CARD14: variants seen among roughly 807,000 people sequenced by gnomAD.
CARD14 encodes the protein caspase recruitment domain family member 14.
CARD14 carries 107 observed loss-of-function variants against 111.5 expected under a neutral mutation model. The observed-to-expected ratio is 0.96, with a 90% CI of 0.82 to 1.13. The LOEUF (loss-of-function observed/expected upper bound fraction) is 1.13, where lower values mean the gene tolerates loss of function less well. CARD14 is among the 50% of genes most tolerant of loss of function. CARD14 has a pLI of 0.00. For synonymous variants in CARD14, 617 were observed against 579.6 expected, an observed-to-expected ratio of 1.06 and a Z score of -0.93; for missense variants, 1,322 against 1,362.3, an observed-to-expected ratio of 0.97 and a Z score of 0.47.
Position 80,208,527 on chromosome 17 carries a change from C to G in CARD14, c.*182C>G. 1.9e-6 allele frequency: 1 copy of G among 537,184 alleles called. No homozygotes were observed. The highest frequency in any genetic ancestry group is 3.3e-6 in the Non-Finnish European group (1 of 306,820). The allele number at this position is 537,184 out of a possible 1,614,324, so 33.3% of individuals were successfully genotyped here. Reference sequence around the variant, plus strand: ...GTGCAGGTCACACACAGTGAAGCCACTTGTAACTGCACACTTTTCTGTGGA... The same window carrying G: ...GTGCAGGTCACACACAGTGAAGCCAGTTGTAACTGCACACTTTTCTGTGGA... On this transcript the variant is annotated 3_prime_UTR_variant, in exon 24 of 24. Coordinates refer to ENST00000648509, the MANE Select transcript of CARD14 (RefSeq NM_001366385.1).
At position 80,195,815 on chromosome 17, in the gene CARD14, A is replaced by C. The variant is rs890857798; in HGVS notation, c.1594+163A>C. On this transcript the variant is annotated intron_variant, in intron 14 of 23. Transcript: ENST00000648509. The surrounding 1 kb of genome is among the most constrained non-coding windows in gnomAD (Gnocchi z 4.7). ...CTTGGCCTCGACCTTGCACTTTGGG[A>C]AAGTCCCGCCTGCCAGCCAGCGTAA... 1.6e-6 allele frequency: 1 copy of C among 625,152 alleles called. No individual in the cohort carries two copies. The allele number at this position is 625,152 out of a possible 1,614,324, so 38.7% of individuals were successfully genotyped here.
In CARD14 at chr17:80,208,384, G is replaced by T; in HGVS notation, c.*39G>T. ...TTCCCGGGACTGTGGGGGCTTCTGTGTGCCTGTTAATGCAGTCCTGTTCCT... is the reference window on the plus strand; with the variant it reads ...TTCCCGGGACTGTGGGGGCTTCTGTTTGCCTGTTAATGCAGTCCTGTTCCT... On this transcript the variant is annotated 3_prime_UTR_variant, in exon 24 of 24. Coordinates refer to ENST00000648509, the MANE Select transcript of CARD14 (RefSeq NM_001366385.1). 1 of 1,516,760 alleles carries T rather than the reference G, an allele frequency of 6.6e-7. No homozygotes were observed. 94.0% of individuals were successfully genotyped at this position (1,516,760 alleles called of 1,614,324 possible).
rs1301900479 is a variant in CARD14, at chr17:80,198,655, G to T, written c.1851+64G>T. ...CATGGGGACAGTGGCAGCGGGTGGG[G>T]TGACCCAGGCAGACTTCACCTCCCC... is the stretch of plus-strand genomic sequence containing the variant. On this transcript the variant is annotated intron_variant, in intron 16 of 23. Transcript: ENST00000648509. The surrounding 1 kb of genome is among the most constrained non-coding windows in gnomAD (Gnocchi z 7.5). 1 of 1,608,518 alleles carries T rather than the reference G, an allele frequency of 6.2e-7. No homozygotes were observed. The highest frequency in any genetic ancestry group is 8.5e-7 in the Non-Finnish European group (1 of 1,179,508).
chr17:80,205,524 C>T lies in CARD14; in HGVS notation c.2570-7C>T, dbSNP rs1376139305. 4 of 1,583,554 alleles carry T rather than the reference C, an allele frequency of 2.5e-6. No homozygotes were observed. Among genetic ancestry groups the T allele is most frequent in the Non-Finnish European group, 3.4e-6 (4 of 1,164,072 alleles). ...TCTATGATGGCCCCGTCCAATGTCA[C>T]CTGTAGAGTACTTGAGCCAGGAGGA... On this transcript the variant is annotated splice_polypyrimidine_tract_variant and splice_region_variant and intron_variant, in intron 21 of 23. Transcript: ENST00000648509.
rs143190446 is a variant in CARD14 at position 80,198,746 on chromosome 17, C to G, written c.1851+155C>G. On this transcript the variant is annotated intron_variant, in intron 16 of 23. Coordinates refer to ENST00000648509, the MANE Select transcript of CARD14 (RefSeq NM_001366385.1). This position sits in a 1 kb window ranked among gnomAD's most constrained non-coding sequence, Gnocchi z 7.5. The stretch of plus-strand genomic sequence containing the variant: ...TCCTGGGCTGACGTAAAGCGTTCTG[C>G]TCATTTATAGATGAGAGTCGTGCCG... 31 of 1,537,804 alleles carry G rather than the reference C, an allele frequency of 2.0e-5. No individual in the cohort carries two copies. Among genetic ancestry groups the G allele is most frequent in the Non-Finnish European group, 2.5e-5 (29 of 1,145,094 alleles).
At position 80,198,739 on chromosome 17, in the gene CARD14, C is replaced by T. The variant is rs760178491; in HGVS notation, c.1851+148C>T. 8.2e-5 allele frequency: 127 copies of T among 1,544,978 alleles called. No homozygotes were observed. The highest frequency in any genetic ancestry group is 1.1e-4 in the Non-Finnish European group (122 of 1,148,368). ...TGCTCTTTCCTGGGCTGACGTAAAG[C>T]GTTCTGCTCATTTATAGATGAGAGT... On this transcript the variant is annotated intron_variant, in intron 16 of 23. Transcript: ENST00000648509. This position sits in a 1 kb window ranked among gnomAD's most constrained non-coding sequence, Gnocchi z 7.5.
At chr17:80,200,680 TAC>T (rs1378472533) in intron 16 of CARD14, 1 of 152,210 alleles carries the variant, frequency 6.6e-6, no homozygotes, top group African/African-American at 2.4e-5. Flanking sequence ...ACATTGATTG[TAC>T]ACTTTATTTC....
chr17:80,173,835 G>A (rs1257424264), intron 2 of CARD14, among the ~76,000 whole-genome samples: 1 of 152,128 alleles, frequency 6.6e-6, no homozygotes, highest in Non-Finnish European at 1.5e-5. Context: ...CTGACCTTAT[G>A]ATCTGCCCAC....
In CARD14 at chr17:80,203,812, G is replaced by A; in HGVS notation, c.2220-10G>A. 1 of 1,565,322 alleles carries A rather than the reference G, an allele frequency of 6.4e-7. No individual in the cohort carries two copies. The highest frequency in any genetic ancestry group is 8.7e-7 in the Non-Finnish European group (1 of 1,154,710). Reference sequence around the variant, plus strand: ...GGCAGCTGGGTCAGGGCCTCTGCTGGTCTCTGCAGGGCTCAGCAGCAGCTC... The same window carrying A: ...GGCAGCTGGGTCAGGGCCTCTGCTGATCTCTGCAGGGCTCAGCAGCAGCTC... On this transcript the variant is annotated splice_polypyrimidine_tract_variant and intron_variant, in intron 18 of 23. Coordinates refer to ENST00000648509, the MANE Select transcript of CARD14 (RefSeq NM_001366385.1). This position sits in a 1 kb window ranked among gnomAD's most constrained non-coding sequence, Gnocchi z 4.6.
At position 80,189,114 on chromosome 17, in the gene CARD14, G is replaced by A. The variant is rs1170974965; in HGVS notation, c.843+570G>A. Among the ~76,000 whole-genome samples, 5 of 152,208 alleles carry A rather than the reference G, an allele frequency of 3.3e-5. No individual in the cohort carries two copies. Among genetic ancestry groups the A allele is most frequent in the Non-Finnish European group, 7.3e-5 (5 of 68,048 alleles). On this transcript the variant is annotated intron_variant, in intron 8 of 23. Coordinates refer to ENST00000648509, the MANE Select transcript of CARD14 (RefSeq NM_001366385.1). This position sits in a 1 kb window ranked among gnomAD's most constrained non-coding sequence, Gnocchi z 4.7. ...TGCCCGACTTGGTGGGTTTACTGCA[G>A]CGACTGTGTTCTGGAGTGGACTTGG... is the stretch of plus-strand genomic sequence containing the variant.
In CARD14 at chr17:80,188,555, G is replaced by A. The variant is rs377340180; in HGVS notation, c.843+11G>A. 8 of 1,489,426 alleles carry A rather than the reference G, an allele frequency of 5.4e-6. No homozygotes were observed. Among genetic ancestry groups the A allele is most frequent in the Non-Finnish European group, 7.2e-6 (8 of 1,118,062 alleles). 92.3% of individuals were successfully genotyped at this position (1,489,426 alleles called of 1,614,324 possible). ...CTGACTTTCAGCCTGGTAGGTTCCGGTCCCCGCAGCAGAGAGCGGCCTCCT... is the reference window on the plus strand; with the variant it reads ...CTGACTTTCAGCCTGGTAGGTTCCGATCCCCGCAGCAGAGAGCGGCCTCCT... On this transcript the variant is annotated intron_variant, in intron 8 of 23. Coordinates refer to ENST00000648509, the MANE Select transcript of CARD14 (RefSeq NM_001366385.1). This position sits in a 1 kb window ranked among gnomAD's most constrained non-coding sequence, Gnocchi z 4.5.
chr17:80,204,676 G>A, intron 20 of CARD14: 1 of 383,070 alleles, frequency 2.6e-6, no homozygotes, highest in Non-Finnish European at 4.7e-6. Context: ...GGAGGGCTAG[G>A]ACCCTGTGCC....
In CARD14 at chr17:80,189,667, G is replaced by A; in HGVS notation, c.844-86G>A. ...ATCCGTCCACACACCTGACCGTGCA[G>A]TTGCCGCCATCTTCTCGGGATTCTG... On this transcript the variant is annotated intron_variant, in intron 8 of 23. Transcript: ENST00000648509. The surrounding 1 kb of genome is among the most constrained non-coding windows in gnomAD (Gnocchi z 4.7). The A allele has an allele frequency of 1.4e-6, 2 of 1,408,600 alleles. No homozygotes were observed. The highest frequency in any genetic ancestry group is 1.9e-6 in the Non-Finnish European group (2 of 1,078,838). 87.3% of individuals were successfully genotyped at this position (1,408,600 alleles called of 1,614,324 possible).
intron 4 of CARD14, among the ~76,000 whole-genome samples, chr17:80,179,776 G>T (rs2040111172): frequency 6.6e-6 from 1 of 152,160 alleles, no homozygotes; most frequent in Non-Finnish European, 1.5e-5. Flanking sequence ...AGGCTGCAGT[G>T]AGCCACGATC....
At position 80,203,831 on chromosome 17, in the gene CARD14, G is replaced by A; in HGVS notation, c.2229G>A (p.Gln743=). The A allele has an allele frequency of 6.3e-7, 1 of 1,581,128 alleles. No individual in the cohort carries two copies. Among genetic ancestry groups the A allele is most frequent in the Non-Finnish European group, 8.6e-7 (1 of 1,163,842 alleles). The change falls in exon 19 of 24, where the codon CAG becomes CAA. Residue 743 remains glutamine, a synonymous_variant. Coordinates refer to ENST00000648509, the MANE Select transcript of CARD14 (RefSeq NM_001366385.1). The surrounding 1 kb of genome is among the most constrained non-coding windows in gnomAD (Gnocchi z 4.6). The stretch of plus-strand genomic sequence containing the variant: ...CTGCTGGTCTCTGCAGGGCTCAGCA[G>A]CAGCTCATAGCCCTCATCCAGGACA... ...GTIPNYSRAQ[Q]QLIALIQDMT...
chr17:80,184,017 C>T lies in CARD14; in HGVS notation c.454C>T (p.Arg152Trp), dbSNP rs780493135. The T allele has an allele frequency of 3.0e-5, 47 of 1,585,350 alleles. No homozygotes were observed. Among genetic ancestry groups the T allele is most frequent in the Middle Eastern group, 1.7e-4 (1 of 5,992 alleles). ...EKGQKEVLLRRCQQLQEHLGL... is the reference protein window; with the variant it reads ...EKGQKEVLLRWCQQLQEHLGL... ...GGGGCAGAAGGAGGTGCTGCTGCGG[C>T]GGTGCCAGCAGCTGCAGGAGCACCT... is the stretch of plus-strand genomic sequence containing the variant. The change falls in exon 7 of 24, where the codon CGG becomes TGG. Residue 152 changes from arginine to tryptophan, a missense_variant. Coordinates refer to ENST00000648509, the MANE Select transcript of CARD14 (RefSeq NM_001366385.1).
chr17:80,201,953 C>A lies in CARD14; in HGVS notation c.1978+83C>A. 2 of 1,491,280 alleles carry A rather than the reference C, an allele frequency of 1.3e-6. No individual in the cohort carries two copies. Among genetic ancestry groups the A allele is most frequent in the South Asian group, 1.3e-5 (1 of 75,986 alleles). 92.4% of individuals were successfully genotyped at this position (1,491,280 alleles called of 1,614,324 possible). A position where few individuals can be genotyped will look rare whatever the true frequency, so the allele number is the denominator to read the frequency against. On this transcript the variant is annotated intron_variant, in intron 17 of 23. Transcript: ENST00000648509. This position sits in a 1 kb window ranked among gnomAD's most constrained non-coding sequence, Gnocchi z 5.0. The stretch of plus-strand genomic sequence containing the variant: ...AGTCCCTGGTGGTTCTTCTGCACGC[C>A]CAGCAGCCAGGGACCCCCAGAGCCA...
In CARD14 at chr17:80,202,163, A is replaced by G. The variant is rs772321320; in HGVS notation, c.1979-17A>G. The G allele has an allele frequency of 2.5e-6, 4 of 1,599,340 alleles. No individual in the cohort carries two copies. Among genetic ancestry groups the G allele is most frequent in the Non-Finnish European group, 3.4e-6 (4 of 1,168,032 alleles). On this transcript the variant is annotated splice_polypyrimidine_tract_variant and intron_variant, in intron 17 of 23. Transcript: ENST00000648509. ...CGTATCTGTGGCTCATCTGTGGCTCATGTCCCCTTTTATCAGGTTATAAGA... is the reference window on the plus strand; with the variant it reads ...CGTATCTGTGGCTCATCTGTGGCTCGTGTCCCCTTTTATCAGGTTATAAGA...
chr17:80,198,328 C>T lies in CARD14; in HGVS notation c.1659-71C>T. The T allele has an allele frequency of 6.4e-7, 1 of 1,560,836 alleles. No individual in the cohort carries two copies. ...CCAGAACACTGGGGCCAGAGGGAAG[C>T]AATGGGGAGGTGGCCTTGCCGGCTC... On this transcript the variant is annotated intron_variant, in intron 15 of 23. Transcript: ENST00000648509. The surrounding 1 kb of genome is among the most constrained non-coding windows in gnomAD (Gnocchi z 7.5).
Sources: allele counts gnomAD v4.1 joint callset (sites outside exome capture counted in the v4.1 genomes callset), GRCh38; gene constraint gnomAD v4.1.1; non-coding constraint Gnocchi (gnomAD v3.1); transcripts MANE v1.5; gene names NCBI Gene and HGNC (gene_info 2026-07-23, HGNC 2026-07-21).